CDH23: variants seen among roughly 807,000 people sequenced by gnomAD.
The protein encoded by CDH23 is cadherin related 23.
A neutral mutation model predicts 317.1 loss-of-function variants in CDH23; 189 were observed. The ratio of observed to expected loss-of-function variants is 0.60; its 90% CI spans 0.53 to 0.67. The LOEUF is 0.67. CDH23 is among the 30% of genes least tolerant of loss of function. The pLI is 0.00. For synonymous variants in CDH23, 1,839 were observed against 1,876.8 expected (o/e 0.98, Z 0.52); for missense variants, 4,401 against 4,592.4 (o/e 0.96, Z 1.20).
intron 44 of CDH23, 39 bp from the exon 45 acceptor site, chr10:71,788,901 G>A: frequency 9.3e-7 from 1 of 1,069,784 alleles, no homozygotes; most frequent in South Asian, 1.2e-5. Context: ...GCACTTTGCT[G>A]AGCATGGCCT....
chr10:71,490,024 G>C (rs934043439), intron 3 of CDH23, among the ~76,000 whole-genome samples: 1 of 152,056 alleles, frequency 6.6e-6, no homozygotes, highest in East Asian at 1.9e-4. Context: ...CCTGCTTGAG[G>C]GGGGTGTTTC....
intron 9 of CDH23, among the ~76,000 whole-genome samples, chr10:71,596,366 C>T (rs1282872230): frequency 2.0e-5 from 3 of 152,216 alleles, no homozygotes; most frequent in African/African-American, 2.4e-5. Context: ...AGTGGCAGAG[C>T]CAGGATTCGA....
chr10:71,463,205 G>T (rs1270579365), intron 3 of CDH23, among the ~76,000 whole-genome samples: 2 of 152,182 alleles, frequency 1.3e-5, no homozygotes, highest in African/African-American at 4.8e-5. Flanking sequence ...TCTGAAATTA[G>T]ATCGGGACCA....
chr10:71,725,178 A>T (rs1324599073), intron 29 of CDH23, among the ~76,000 whole-genome samples, 194 bp from the exon 30 acceptor site: 1 of 152,172 alleles, frequency 6.6e-6, no homozygotes, highest in Admixed American at 6.5e-5. Flanking sequence ...CGCATTGGGG[A>T]TGGCCTGTCT....
At position 71,510,180 on chromosome 10, in the gene CDH23, C is replaced by A. The variant is rs773403230; in HGVS notation, c.244C>A (p.Pro82Thr). The A allele has an allele frequency of 1.2e-6, 2 of 1,613,952 alleles. No individual in the cohort carries two copies. Among genetic ancestry groups the A allele is most frequent in the Non-Finnish European group, 1.7e-6 (2 of 1,179,880 alleles). ...EEASRFFAVEPDTGVVWLRQP... is the reference protein window; with the variant it reads ...EEASRFFAVETDTGVVWLRQP... ...GGCCTCTCGCTTCTTTGCAGTGGAG[C>A]CTGACACTGGCGTGGTGTGGCTCCG... The change falls in exon 4 of 70, where the codon CCT (proline) becomes ACT (threonine). Residue 82 changes from proline to threonine, a missense_variant. Around this residue, in one of 3 missense-constraint regions of CDH23, gnomAD observed 3,068 missense variants for 3,203.3 expected, o/e 0.96. Transcript: ENST00000224721.
At chr10:71,425,917 A>T (rs10823744) in intron 1 of CDH23, among the ~76,000 whole-genome samples, 46,442 of 151,948 alleles carry the variant, frequency 0.31, 7,231 homozygotes, top group Middle Eastern at 0.44. Context: ...GGTTCTCAGC[A>T]TTGAGATTCC....
chr10:71,803,439 C>A lies in CDH23; in HGVS notation c.7872+19C>A. The A allele has an allele frequency of 6.4e-7, 1 of 1,559,264 alleles. No individual in the cohort carries two copies. The highest frequency in any genetic ancestry group is 8.7e-7 in the Non-Finnish European group (1 of 1,150,070). Reference sequence around the variant, plus strand: ...CAGAGAGGTACTCCTGCCCCGAGGGCCTCCTGCCCACCAGTATTTCCTTCT... The same window carrying A: ...CAGAGAGGTACTCCTGCCCCGAGGGACTCCTGCCCACCAGTATTTCCTTCT... On this transcript the variant is annotated intron_variant, in intron 55 of 69. Transcript: ENST00000224721.
Position 71,761,518 on chromosome 10 carries a change from GCA to G in CDH23, c.4846-16159_4846-16158del, listed in dbSNP as rs139256346. On this transcript the variant is annotated intron_variant, in intron 38 of 69. Coordinates refer to ENST00000224721, the MANE Select transcript of CDH23 (RefSeq NM_022124.6). Reference sequence around the variant, plus strand: ...CCCATGCAGCCTCACACTCTGCCCAGCACAGTGTCATGAATGGTCACACCATC... The same window carrying G: ...CCCATGCAGCCTCACACTCTGCCCAGCAGTGTCATGAATGGTCACACCATC... 8 of 1,436,402 alleles carry G rather than the reference GCA, an allele frequency of 5.6e-6. No individual in the cohort carries two copies. The East Asian group carries it at 1.5e-4, about 27-fold the overall frequency. 89.0% of individuals were successfully genotyped at this position (1,436,402 alleles called of 1,614,324 possible).
chr10:71,607,430 T>C (rs7074382), intron 9 of CDH23, among the ~76,000 whole-genome samples: 3,098 of 152,356 alleles, frequency 0.02, 122 homozygotes, highest in African/African-American at 0.071. Flanking sequence ...AAAATGAGGA[T>C]AGTGTGTCTG....
At chr10:71,415,375 G>A (rs760501060) in intron 1 of CDH23, among the ~76,000 whole-genome samples, 2 of 152,162 alleles carry the variant, frequency 1.3e-5, no homozygotes, top group Non-Finnish European at 2.9e-5. Flanking sequence ...TTACAGGCGT[G>A]AGCCACTGTG....
chr10:71,540,420 G>T (rs80285740), intron 6 of CDH23, among the ~76,000 whole-genome samples: 8 of 151,998 alleles, frequency 5.3e-5, no homozygotes, highest in African/African-American at 7.2e-5. Flanking sequence ...TGTCTCACCC[G>T]CCCCAGCCTT....
chr10:71,671,600 C>T (rs2132657160), intron 14 of CDH23, among the ~76,000 whole-genome samples: 1 of 151,886 alleles, frequency 6.6e-6, no homozygotes, highest in African/African-American at 2.4e-5. Flanking sequence ...TTAAACGGTG[C>T]CATGACAAGC....
At chr10:71,544,642 C>T (rs947020866) in intron 6 of CDH23, among the ~76,000 whole-genome samples, 5 of 152,196 alleles carry the variant, frequency 3.3e-5, no homozygotes, top group South Asian at 2.1e-4. Context: ...GCCACAGGCA[C>T]GTTGCCCTGG....
chr10:71,412,803 A>G (rs1848394819), intron 1 of CDH23, among the ~76,000 whole-genome samples: 1 of 152,058 alleles, frequency 6.6e-6, no homozygotes, highest in African/African-American at 2.4e-5. Flanking sequence ...TATATCTTTT[A>G]TGGCAAAATA....
chr10:71,814,727 C>CAT (rs1842068659), intron 69 of CDH23, among the ~76,000 whole-genome samples: 1 of 151,846 alleles, frequency 6.6e-6, no homozygotes. Context: ...CACACACACA[C>CAT]ACACACACAG....
At chr10:71,594,360 C>CCT (rs1355218939) in intron 9 of CDH23, among the ~76,000 whole-genome samples, 90 of 148,652 alleles carry the variant, frequency 6.1e-4, no homozygotes, top group African/African-American at 1.1e-3. Flanking sequence ...TCTCTCCCTC[C>CCT]CTCTCTCTCT....
intron 2 of CDH23, among the ~76,000 whole-genome samples, chr10:71,442,664 C>T (rs116494249): frequency 1.3e-5 from 2 of 152,090 alleles, no homozygotes; most frequent in South Asian, 2.1e-4. Context: ...AGGCAGGAAG[C>T]GAAGGCCTGG....
At chr10:71,693,143 T>G (rs1865247014) in intron 20 of CDH23, among the ~76,000 whole-genome samples, 2 of 152,268 alleles carry the variant, frequency 1.3e-5, no homozygotes, top group African/African-American at 2.4e-5. Context: ...TGCTGAAGTC[T>G]GCTGGGACTG....
At chr10:71,789,611 C>T (rs1006134809) in intron 45 of CDH23, among the ~76,000 whole-genome samples, 3 of 152,224 alleles carry the variant, frequency 2.0e-5, no homozygotes, top group Non-Finnish European at 4.4e-5. Flanking sequence ...GGCTGGGCAT[C>T]CCCCCTAGGT....
Sources: gnomAD v4.1 joint callset for allele counts (sites outside exome capture counted in the v4.1 genomes callset) on GRCh38, gnomAD v4.1.1 for gene constraint, gnomAD v4.1.1 regional missense constraint, MANE v1.5 for transcripts, NCBI Gene and HGNC (gene_info 2026-07-23, HGNC 2026-07-21) for gene names.